Variants in RARB observed in about 807,000 individuals in gnomAD.
RARB encodes retinoic acid receptor beta, also known as HBV-activated protein.
Under a neutral mutation model 51.9 loss-of-function variants are expected in RARB, and 17 were observed. The observed-to-expected ratio is 0.33, with a 90% confidence interval of 0.22 to 0.49. RARB has a LOEUF of 0.49. Among genes scored for constraint, RARB ranks in the 20% least tolerant of loss-of-function variants. The pLI, the probability that RARB is intolerant of heterozygous loss-of-function variation, is 0.99. For missense variants in RARB, 369 were observed against 550.8 expected (o/e 0.67, Z 3.30); for synonymous variants, 215 against 195.4 (o/e 1.10, Z -0.84).
intron 5 of RARB, among the ~76,000 whole-genome samples, chr3:25,195,804 G>A (rs1438328855): frequency 2.0e-5 from 3 of 151,936 alleles, no homozygotes; most frequent in Non-Finnish European, 4.4e-5. Context: ...AGAAAGCCAT[G>A]TCTTGAGTGA....
intron 1 of RARB, among the ~76,000 whole-genome samples, chr3:24,834,038 A>C (rs1460108343): frequency 6.6e-6 from 1 of 152,218 alleles, no homozygotes; most frequent in Non-Finnish European, 1.5e-5. Flanking sequence ...CAGATTATAT[A>C]AGTTTCACAC....
Position 25,594,617 on chromosome 3 carries a change from GC to G in RARB, c.1091del (p.Pro364LeufsTer8). ...IYIRKRRPSK[P>X]HMFPKILMKI... Reference sequence around the variant, plus strand: ...ATATCAGAAAAAGACGACCCAGCAAGCCTCACATGTTTCCAAAGATCTTAAT... The same window carrying G: ...ATATCAGAAAAAGACGACCCAGCAAGCTCACATGTTTCCAAAGATCTTAAT... On this transcript the variant is annotated frameshift_variant, in exon 7 of 8. Transcript: ENST00000330688. LOFTEE classifies it high-confidence loss of function. The G allele has an allele frequency of 6.2e-7, 1 of 1,613,710 alleles. No individual in the cohort carries two copies.
chr3:25,386,903 C>G lies in RARB; in HGVS notation c.179-74290C>G, dbSNP rs535405809. ...TCTCATTTACTTACCTAGCAACTGT[C>G]AAAGCCTGAAATTTCATTCTGTGGG... On this transcript the variant is annotated intron_variant, in intron 5 of 11. Coordinates refer to the RARB transcript ENST00000383772. 1.2e-4 allele frequency among the ~76,000 whole-genome samples: 19 copies of G among 152,318 alleles called. No individual in the cohort carries two copies. The South Asian group carries it at 3.9e-3, about 32-fold the overall frequency.
chr3:25,119,712 A>G (rs887467192), intron 3 of RARB, among the ~76,000 whole-genome samples: 16 of 152,232 alleles, frequency 1.1e-4, no homozygotes, highest in Non-Finnish European at 2.1e-4. Flanking sequence ...TACTAAGGAA[A>G]TTAACTTTAT....
intron 5 of RARB, among the ~76,000 whole-genome samples, chr3:25,416,892 G>T (rs540550011): frequency 6.6e-6 from 1 of 152,344 alleles, no homozygotes; most frequent in East Asian, 1.9e-4. Flanking sequence ...TACTGTTGTG[G>T]TAATAGCAGT....
chr3:25,067,635 C>A (rs1307320911), intron 3 of RARB, among the ~76,000 whole-genome samples: 5 of 152,176 alleles, frequency 3.3e-5, no homozygotes, highest in African/African-American at 1.2e-4. Flanking sequence ...ACCATACCTA[C>A]CCTGTAAAAA....
At chr3:25,188,176 G>A (rs1465946538) in intron 5 of RARB, among the ~76,000 whole-genome samples, 7 of 152,006 alleles carry the variant, frequency 4.6e-5, no homozygotes, top group African/African-American at 7.2e-5. Context: ...CATATTAATA[G>A]TCTTCATTTC....
At chr3:25,157,339 AGT>A (rs1279406713) in intron 4 of RARB, among the ~76,000 whole-genome samples, 9 of 105,500 alleles carry the variant, frequency 8.5e-5, no homozygotes, top group African/African-American at 3.2e-4. Flanking sequence ...CACAGTTCTG[AGT>A]GTGTGTGTTT....
At chr3:25,323,545 T>A (rs1158372112) in intron 5 of RARB, among the ~76,000 whole-genome samples, 2 of 152,176 alleles carry the variant, frequency 1.3e-5, no homozygotes, top group African/African-American at 2.4e-5. Flanking sequence ...TCTTCCAAAA[T>A]GAAAACTATG....
chr3:25,575,935 G>A (rs1300672457), intron 4 of RARB, among the ~76,000 whole-genome samples: 1 of 152,172 alleles, frequency 6.6e-6, no homozygotes, highest in East Asian at 1.9e-4. Flanking sequence ...AGTCTAGCTG[G>A]AGATCAAATT....
chr3:24,885,247 A>G (rs977446556), intron 2 of RARB, among the ~76,000 whole-genome samples: 1 of 152,120 alleles, frequency 6.6e-6, no homozygotes, highest in African/African-American at 2.4e-5. Context: ...GAGTTGCAGT[A>G]TAAGGGAGGG....
chr3:25,309,127 C>A (rs1055579711), intron 5 of RARB, among the ~76,000 whole-genome samples: 6 of 147,658 alleles, frequency 4.1e-5, no homozygotes, highest in African/African-American at 1.5e-4. Flanking sequence ...GACTGTGCCT[C>A]CATTTTTTTT....
chr3:25,366,780 T>C (rs1036079155), intron 5 of RARB, among the ~76,000 whole-genome samples: 11 of 152,212 alleles, frequency 7.2e-5, no homozygotes, highest in African/African-American at 2.7e-4. Flanking sequence ...ATGCATTCTT[T>C]GGATAGTCTC....
At chr3:25,041,647 T>C (rs755000683) in intron 2 of RARB, among the ~76,000 whole-genome samples, 2 of 152,110 alleles carry the variant, frequency 1.3e-5, no homozygotes, top group Non-Finnish European at 2.9e-5. Flanking sequence ...ACTGCTCTTA[T>C]CCTCAACTCT....
Position 25,428,840 on chromosome 3 carries a change from T to G in RARB, c.109T>G (p.Phe37Val). 6.2e-7 allele frequency: 1 copy of G among 1,614,112 alleles called. No individual in the cohort carries two copies. Among genetic ancestry groups the G allele is most frequent in the Non-Finnish European group, 8.5e-7 (1 of 1,179,984 alleles). ...MLQEKALKAC[F>V]SGLTQTEWQH... is the part of the protein sequence containing the mutation. ...CCAGGAGAAAGCTCTCAAAGCATGC[T>G]TCAGTGGATTGACCCAAACCGAATG... Residue 37 changes from phenylalanine (F) to valine (V), a missense_variant, in exon 1 of 8, where the codon TTC becomes GTC. By Grantham distance (50) the Phe-to-Val change is conservative (BLOSUM62 -1). Coordinates refer to ENST00000330688, the MANE Select transcript of RARB (RefSeq NM_000965.5).
intron 5 of RARB, among the ~76,000 whole-genome samples, chr3:25,212,578 A>C (rs1363878448): frequency 2.0e-5 from 3 of 152,196 alleles, no homozygotes; most frequent in African/African-American, 7.2e-5. Flanking sequence ...AGATCGCACT[A>C]CTGCACTCCA....
At chr3:24,943,623 C>G (rs1695715547) in intron 2 of RARB, among the ~76,000 whole-genome samples, 1 of 152,166 alleles carries the variant, frequency 6.6e-6, no homozygotes, top group Non-Finnish European at 1.5e-5. Context: ...CAGATGTTAA[C>G]AGGTCTGTAA....
intron 2 of RARB, among the ~76,000 whole-genome samples, chr3:25,497,302 T>G (rs1385399168): frequency 6.6e-6 from 1 of 152,166 alleles, no homozygotes; most frequent in Non-Finnish European, 1.5e-5. Context: ...ATGACTCAGT[T>G]CTAAGATGAA....
chr3:25,579,358 C>T (rs1456056388), intron 4 of RARB, among the ~76,000 whole-genome samples: 1 of 152,196 alleles, frequency 6.6e-6, no homozygotes, highest in Admixed American at 6.5e-5. Flanking sequence ...CCTTGTGCAC[C>T]TGTGGTCAGT....
Sources: gnomAD v4.1 joint callset for allele counts (sites outside exome capture counted in the v4.1 genomes callset) on GRCh38, gnomAD v4.1.1 for gene constraint, MANE v1.5 for transcripts, NCBI Gene and HGNC (gene_info 2026-07-23, HGNC 2026-07-21) for gene names.